The following SLC22A15 variants were observed in gnomAD, a reference collection of about 807,000 sequenced individuals.
The protein encoded by SLC22A15 is flipt 1.
SLC22A15 carries 45 observed loss-of-function variants against 62.7 expected under a neutral mutation model. That is an observed-to-expected ratio of 0.72 (90% confidence interval 0.56 to 0.92). The LOEUF (loss-of-function observed/expected upper bound fraction) is 0.92. SLC22A15 is among the 40% of genes least tolerant of loss of function. The pLI is 0.00. For missense variants in SLC22A15, 622 were observed against 665.6 expected (o/e 0.93, Z 0.72); for synonymous variants, 264 against 267.0 (o/e 0.99, Z 0.11).
intron 2 of SLC22A15, among the ~76,000 whole-genome samples, chr1:115,997,312 G>C (rs956837376): frequency 6.6e-6 from 1 of 151,974 alleles, no homozygotes; most frequent in Admixed American, 6.6e-5. Flanking sequence ...ATAAATTTTA[G>C]AATGATTTTT....
intron 4 of SLC22A15, among the ~76,000 whole-genome samples, chr1:116,024,286 G>A (rs1656985607): frequency 6.6e-6 from 1 of 152,134 alleles, no homozygotes; most frequent in African/African-American, 2.4e-5. Context: ...AATAACTCAA[G>A]GAGACTTCAT....
chr1:116,009,913 G>C (rs759128928), intron 2 of SLC22A15, among the ~76,000 whole-genome samples: 10 of 152,194 alleles, frequency 6.6e-5, no homozygotes, highest in Non-Finnish European at 1.3e-4. Flanking sequence ...AAACTCTATA[G>C]TTTAAAGATA....
intron 5 of SLC22A15, among the ~76,000 whole-genome samples, chr1:116,027,770 C>T (rs1557895145): frequency 1.3e-5 from 2 of 152,106 alleles, no homozygotes; most frequent in African/African-American, 2.4e-5. Context: ...GGATCACAGG[C>T]ATGCGCCACC....
At position 115,976,678 on chromosome 1, in the gene SLC22A15, G is replaced by C; in HGVS notation, c.51G>C (p.Gln17His). 1.3e-6 allele frequency: 2 copies of C among 1,587,768 alleles called. No individual in the cohort carries two copies. Among genetic ancestry groups the C allele is most frequent in the Non-Finnish European group, 1.7e-6 (2 of 1,168,602 alleles). Residue 17 changes from glutamine to histidine, a missense_variant, in exon 1 of 12, where the codon CAG becomes CAC. Physicochemically the swap from Gln to His is conservative, Grantham distance 24. Coordinates refer to ENST00000369503, the MANE Select transcript of SLC22A15 (RefSeq NM_018420.3). Reference protein sequence around the residue: ...FQAVGEMGIYQMYLCFLLAVL... With the variant: ...FQAVGEMGIYHMYLCFLLAVL... ...CGGTGGGGGAGATGGGCATCTACCA[G>C]ATGTACTTGTGCTTCCTGCTGGCCG...
intron 8 of SLC22A15, among the ~76,000 whole-genome samples, chr1:116,041,046 T>C (rs1227952406): frequency 1.3e-5 from 2 of 152,226 alleles, no homozygotes; most frequent in African/African-American, 4.8e-5. Flanking sequence ...GAACCTGGGT[T>C]ATCAGAGTGG....
intron 2 of SLC22A15, among the ~76,000 whole-genome samples, chr1:115,992,624 CTTT>C (rs11378927): frequency 1.5e-5 from 2 of 137,492 alleles, no homozygotes; most frequent in Admixed American, 7.5e-5. Context: ...TTTTTCTTTT[CTTT>C]TTTTTTTTTT....
chr1:116,012,793 A>G lies in SLC22A15; in HGVS notation c.301-6789A>G, dbSNP rs147715366. On this transcript the variant is annotated intron_variant, in intron 2 of 11. Transcript: ENST00000369503. ...TGACTTTATGATGGTGCAAAAGTGA[A>G]AAGTATTCAGTGGAAACTGTACTTC... 1.8e-3 allele frequency among the ~76,000 whole-genome samples: 275 copies of G among 152,320 alleles called. 1 individual carries two copies. Among genetic ancestry groups the G allele is most frequent in the African/African-American group, 6.3e-3 (264 of 41,588 alleles).
At chr1:115,985,982 AT>A (rs1654845969) in intron 1 of SLC22A15, among the ~76,000 whole-genome samples, 1 of 150,194 alleles carries the variant, frequency 6.7e-6, no homozygotes, top group African/African-American at 2.4e-5. Context: ...AACAGATGCG[AT>A]TAAATACTTT....
At chr1:116,022,639 T>C (rs2101346749) in intron 4 of SLC22A15, among the ~76,000 whole-genome samples, 1 of 152,352 alleles carries the variant, frequency 6.6e-6, no homozygotes, top group Middle Eastern at 3.4e-3. Context: ...CCCTGGTCTC[T>C]TGCTCTCTTG....
intron 10 of SLC22A15, among the ~76,000 whole-genome samples, chr1:116,066,291 A>G (rs1364912559): frequency 6.6e-6 from 1 of 152,150 alleles, no homozygotes; most frequent in Non-Finnish European, 1.5e-5. Context: ...TGTACAGACT[A>G]GTGCTGTCCT....
chr1:116,036,324 C>T (rs1259480715), intron 7 of SLC22A15, among the ~76,000 whole-genome samples: 1 of 152,138 alleles, frequency 6.6e-6, no homozygotes, highest in Non-Finnish European at 1.5e-5. Context: ...ATGGGGGTAT[C>T]TTATGTGTCT....
intron 1 of SLC22A15, among the ~76,000 whole-genome samples, chr1:115,985,170 C>T (rs1337771353): frequency 6.6e-6 from 1 of 152,122 alleles, no homozygotes; most frequent in Non-Finnish European, 1.5e-5. Context: ...TGGTAAGTGT[C>T]CTTTACAGGT....
intron 8 of SLC22A15, among the ~76,000 whole-genome samples, chr1:116,059,113 T>C (rs1658308418): frequency 6.6e-6 from 1 of 151,834 alleles, no homozygotes; most frequent in African/African-American, 2.4e-5. Flanking sequence ...GAAACTAAAA[T>C]AAAAATAAAA....
intron 8 of SLC22A15, among the ~76,000 whole-genome samples, chr1:116,053,788 CAT>C (rs1367086187): frequency 6.6e-6 from 1 of 151,994 alleles, no homozygotes; most frequent in African/African-American, 2.4e-5. Flanking sequence ...CCCAGAATTT[CAT>C]ATCCAGCCAA....
At chr1:116,019,533 A>G (rs773852765) in intron 2 of SLC22A15, 49 bp from the exon 3 acceptor site, 2 of 1,535,850 alleles carry the variant, frequency 1.3e-6, no homozygotes, top group East Asian at 2.3e-5. Flanking sequence ...TGGTTTTTTA[A>G]TAGCTAACTG....
chr1:116,057,639 A>G (rs1189726223), intron 8 of SLC22A15, among the ~76,000 whole-genome samples: 1 of 152,218 alleles, frequency 6.6e-6, no homozygotes, highest in Non-Finnish European at 1.5e-5. Flanking sequence ...TCACAATAGC[A>G]AAGACTTGGA....
At chr1:116,035,968 C>A (rs1334025620) in intron 7 of SLC22A15, among the ~76,000 whole-genome samples, 1 of 152,150 alleles carries the variant, frequency 6.6e-6, no homozygotes, top group Non-Finnish European at 1.5e-5. Context: ...TGGATTATGC[C>A]ATTTCTTTTT....
intron 1 of SLC22A15, among the ~76,000 whole-genome samples, chr1:115,981,439 G>T (rs1220369513): frequency 6.6e-6 from 1 of 152,148 alleles, no homozygotes; most frequent in Non-Finnish European, 1.5e-5. Context: ...TCTCCTGAGG[G>T]TTTATGGTGA....
intron 6 of SLC22A15, among the ~76,000 whole-genome samples, chr1:116,033,319 A>G (rs750550708): frequency 2.6e-5 from 4 of 152,160 alleles, no homozygotes; most frequent in African/African-American, 4.8e-5. Flanking sequence ...GGGGGACATA[A>G]AGAGGATTGA....
Sources: gnomAD v4.1 joint callset for allele counts (sites outside exome capture counted in the v4.1 genomes callset) on GRCh38, gnomAD v4.1.1 for gene constraint, MANE v1.5 for transcripts, NCBI Gene and HGNC (gene_info 2026-07-23, HGNC 2026-07-21) for gene names.